CDYL2: variants seen among roughly 807,000 people sequenced by gnomAD.
The protein encoded by CDYL2 is chromodomain Y-like protein 2.
Under a neutral mutation model 49.4 loss-of-function variants are expected in CDYL2, and 23 were observed. That is an observed-to-expected ratio of 0.47 (90% CI 0.34 to 0.66). The LOEUF is 0.66. Among genes scored for constraint, CDYL2 ranks in the 30% least tolerant of loss-of-function variants. CDYL2 has a pLI of 0.01. For synonymous variants in CDYL2, 360 were observed against 268.8 expected, an observed-to-expected ratio of 1.34 and a Z score of -3.32; for missense variants, 678 against 656.4, an observed-to-expected ratio of 1.03 and a Z score of -0.36.
chr16:80,656,579 C>G (rs1908823803), intron 2 of CDYL2, among the ~76,000 whole-genome samples: 2 of 152,240 alleles, frequency 1.3e-5, no homozygotes, highest in South Asian at 4.1e-4. Context: ...TTCCTTCCTT[C>G]TGTTCCCCTC....
intron 1 of CDYL2, among the ~76,000 whole-genome samples, chr16:80,720,503 G>A (rs966889464): frequency 1.3e-5 from 2 of 152,218 alleles, no homozygotes; most frequent in Non-Finnish European, 2.9e-5. Context: ...CTAGAAAGGA[G>A]GGTATGCTCG....
rs1008576699 is a variant in CDYL2 at position 80,774,296 on chromosome 16, G to T, written c.24+29854C>A. ...AGAACATTATGCTAATAAGCCAGGC[G>T]CTGAAAGACAAATGCTATGCGATCT... On this transcript the variant is annotated intron_variant, in intron 1 of 6. Coordinates refer to ENST00000570137, the MANE Select transcript of CDYL2 (RefSeq NM_152342.4). Among the ~76,000 whole-genome samples, 10 of 151,730 alleles carry T rather than the reference G, an allele frequency of 6.6e-5. No homozygotes were observed. In the South Asian group the frequency reaches 2.1e-3, roughly 32 times the overall value.
intron 1 of CDYL2, among the ~76,000 whole-genome samples, chr16:80,750,873 A>T (rs1472162028): frequency 6.6e-6 from 1 of 152,094 alleles, no homozygotes; most frequent in African/African-American, 2.4e-5. Context: ...ACAAAAAACT[A>T]GCCAGGCGTG....
intron 1 of CDYL2, among the ~76,000 whole-genome samples, chr16:80,780,687 A>T (rs1233255307): frequency 6.6e-6 from 1 of 152,086 alleles, no homozygotes; most frequent in African/African-American, 2.4e-5. Flanking sequence ...TACAGGTGTG[A>T]GCCACCGCGC....
At chr16:80,631,595 CA>C (rs1262954293) in intron 3 of CDYL2, among the ~76,000 whole-genome samples, 1 of 152,090 alleles carries the variant, frequency 6.6e-6, no homozygotes, top group Non-Finnish European at 1.5e-5. Flanking sequence ...AGGGCACTAT[CA>C]AAAAAGTAAA....
intron 2 of CDYL2, among the ~76,000 whole-genome samples, chr16:80,644,411 G>T (rs371371950): frequency 6.6e-6 from 1 of 152,160 alleles, no homozygotes; most frequent in African/African-American, 2.4e-5. Flanking sequence ...CTGTTACCCA[G>T]TTCCAAAGTC....
In CDYL2 at chr16:80,692,826, T is replaced by C. The variant is rs1910469633; in HGVS notation, c.25-7697A>G. 2.0e-5 allele frequency among the ~76,000 whole-genome samples: 3 copies of C among 152,148 alleles called. No homozygotes were observed. In the South Asian group the frequency reaches 6.2e-4, roughly 32 times the overall value. ...ACTAGAGTAACATGTTTGTGTATAT[T>C]GACAAAACAATTACTTTCAAGAAAG... is the stretch of plus-strand genomic sequence containing the variant. On this transcript the variant is annotated intron_variant, in intron 1 of 6. Transcript: ENST00000570137.
intron 1 of CDYL2, among the ~76,000 whole-genome samples, chr16:80,702,617 GCT>G (rs1306106772): frequency 6.6e-6 from 1 of 152,102 alleles, no homozygotes; most frequent in East Asian, 1.9e-4. Context: ...GGGTGTGGTG[GCT>G]CATGTCTGTA....
intron 1 of CDYL2, among the ~76,000 whole-genome samples, chr16:80,765,070 A>T (rs1286744205): frequency 6.8e-6 from 1 of 147,810 alleles, no homozygotes; most frequent in Non-Finnish European, 1.5e-5. Context: ...AAAAAAAAAA[A>T]AAAAAGAATT....
rs1369773836 is a variant in CDYL2 at position 80,771,496 on chromosome 16, G to C, written c.24+32654C>G. ...AGGTAGGCGGATCACTTGTGGTCTG[G>C]AGTTTGAGACCAGCCTGGCCAACAT... On this transcript the variant is annotated intron_variant, in intron 1 of 6. Coordinates refer to ENST00000570137, the MANE Select transcript of CDYL2 (RefSeq NM_152342.4). 5.3e-5 allele frequency among the ~76,000 whole-genome samples: 8 copies of C among 152,218 alleles called. No homozygotes were observed. The East Asian group carries it at 1.2e-3, about 22-fold the overall frequency.
chr16:80,608,038 T>C, intron 6 of CDYL2, 54 bp downstream of exon 6: 2 of 1,508,976 alleles, frequency 1.3e-6, no homozygotes, highest in Non-Finnish European at 1.8e-6. Flanking sequence ...GCTGTCTTCA[T>C]GTGTAAAATG....
chr16:80,705,277 G>T (rs576477417), intron 1 of CDYL2, among the ~76,000 whole-genome samples: 2 of 152,352 alleles, frequency 1.3e-5, no homozygotes, highest in East Asian at 3.9e-4. Context: ...CCGTCCCTCA[G>T]GGTCAGGTGG....
At chr16:80,644,446 T>G (rs1346170141) in intron 2 of CDYL2, among the ~76,000 whole-genome samples, 2 of 152,228 alleles carry the variant, frequency 1.3e-5, no homozygotes, top group African/African-American at 4.8e-5. Flanking sequence ...GGGTACCTTT[T>G]CAGCAACATC....
rs190745069 is a variant in CDYL2 at position 80,746,172 on chromosome 16, A to C, written c.24+57978T>G. 2.4e-3 allele frequency among the ~76,000 whole-genome samples: 362 copies of C among 152,256 alleles called. 4 individuals carry two copies. The highest frequency in any genetic ancestry group is 8.2e-3 in the African/African-American group (342 of 41,560). ...AAATGCTGGGCTGTACCTGCGTGAA[A>C]ATAAGGGCAATTACTCCCCATTCCC... On this transcript the variant is annotated intron_variant, in intron 1 of 6. Coordinates refer to ENST00000570137, the MANE Select transcript of CDYL2 (RefSeq NM_152342.4).
At chr16:80,626,314 GTGT>G (rs1567545843) in intron 3 of CDYL2, among the ~76,000 whole-genome samples, 1 of 145,674 alleles carries the variant, frequency 6.9e-6, no homozygotes, top group Non-Finnish European at 1.5e-5. Flanking sequence ...ATTGGTGAAT[GTGT>G]TGTTAATAAA....
At chr16:80,777,855 T>C (rs1458537486) in intron 1 of CDYL2, among the ~76,000 whole-genome samples, 2 of 152,026 alleles carry the variant, frequency 1.3e-5, no homozygotes, top group Non-Finnish European at 2.9e-5. Context: ...CAGCATTAAT[T>C]TGACATTAAA....
intron 2 of CDYL2, among the ~76,000 whole-genome samples, chr16:80,654,175 T>A (rs1207048422): frequency 6.6e-6 from 1 of 152,144 alleles, no homozygotes; most frequent in African/African-American, 2.4e-5. Flanking sequence ...TGCTCAGCGC[T>A]CTGCCGGGCT....
intron 3 of CDYL2, among the ~76,000 whole-genome samples, chr16:80,623,338 C>G (rs555795728): frequency 5.9e-5 from 9 of 152,250 alleles, no homozygotes; most frequent in African/African-American, 2.2e-4. Context: ...TTGTAAAATT[C>G]AGAGCTACCT....
chr16:80,721,337 G>T (rs568084151), intron 1 of CDYL2, among the ~76,000 whole-genome samples: 5 of 152,148 alleles, frequency 3.3e-5, no homozygotes, highest in Admixed American at 6.5e-5. Flanking sequence ...AAATTAAAGG[G>T]TTTGCCTGAA....
Sources: allele counts gnomAD v4.1 joint callset (sites outside exome capture counted in the v4.1 genomes callset), GRCh38; gene constraint gnomAD v4.1.1; transcripts MANE v1.5; gene names NCBI Gene and HGNC (gene_info 2026-07-23, HGNC 2026-07-21).